Variants in USP25 observed in about 807,000 individuals in gnomAD.
USP25 encodes ubiquitin specific peptidase 25, also known as ubiquitin carboxyl-terminal hydrolase 25.
Under a neutral mutation model 158.5 loss-of-function variants are expected in USP25, and 85 were observed. That is an observed-to-expected ratio of 0.54 (90% CI 0.45 to 0.64). USP25 has a LOEUF of 0.64. Among genes scored for constraint, USP25 ranks in the 30% least tolerant of loss-of-function variants. The pLI, the probability that USP25 is intolerant of heterozygous loss-of-function variation, is 0.00. For synonymous variants in USP25, 464 were observed against 460.4 expected (o/e 1.01, Z -0.10); for missense variants, 1,242 against 1,327.3 (o/e 0.94, Z 1.00).
At chr21:15,740,898 C>T (rs1372855273) in intron 1 of USP25, among the ~76,000 whole-genome samples, 2 of 151,706 alleles carry the variant, frequency 1.3e-5, no homozygotes, top group Non-Finnish European at 2.9e-5. Context: ...CACACTACTG[C>T]TATCTTGACT....
At chr21:15,771,699 A>G (rs1425019991) in intron 3 of USP25, among the ~76,000 whole-genome samples, 1 of 149,172 alleles carries the variant, frequency 6.7e-6, no homozygotes, top group Non-Finnish European at 1.5e-5. Context: ...TTTCCTTTTA[A>G]TAGCTCTTCT....
intron 20 of USP25, among the ~76,000 whole-genome samples, chr21:15,862,738 T>C (rs1379372215): frequency 2.2e-5 from 3 of 137,634 alleles, no homozygotes. Context: ...TGGAATGACA[T>C]GTATATCCTC....
chr21:15,799,307 A>G (rs2036015672), intron 5 of USP25, among the ~76,000 whole-genome samples: 1 of 151,182 alleles, frequency 6.6e-6, no homozygotes, highest in Admixed American at 6.6e-5. Flanking sequence ...TACTTCCTTG[A>G]GCATTGAGAT....
At chr21:15,865,979 T>G (rs1196912902) in intron 21 of USP25, among the ~76,000 whole-genome samples, 1 of 152,094 alleles carries the variant, frequency 6.6e-6, no homozygotes, top group Non-Finnish European at 1.5e-5. Context: ...TTTAAAAGTT[T>G]CATTTTTTTC....
intron 9 of USP25, among the ~76,000 whole-genome samples, chr21:15,813,684 C>T (rs985251834): frequency 6.6e-6 from 1 of 152,064 alleles, no homozygotes. Context: ...AAATTAAAAA[C>T]GTTATCCCCT....
At position 15,833,377 on chromosome 21, in the gene USP25, C is replaced by T; in HGVS notation, c.2023C>T (p.Leu675Phe). The change falls in exon 17 of 26, where the codon CTT (leucine) becomes TTT (phenylalanine). Residue 675 changes from leucine (L) to phenylalanine (F), a missense_variant. This residue lies in a region of USP25 where 608 missense variants were observed against 605.2 expected (regional missense o/e 1.00). Transcript: ENST00000400183. ...GTTTAATAAAGAAACTGGGCAGCCC[C>T]TTGTTGGTATAGAAACATTACCACC... ...EEFNKETGQP[L>F]VGIETLPPDL... 5.0e-6 allele frequency: 8 copies of T among 1,613,652 alleles called. No individual in the cohort carries two copies. The highest frequency in any genetic ancestry group is 2.2e-5 in the East Asian group (1 of 44,840).
At chr21:15,750,107 A>C (rs1164579979) in intron 1 of USP25, among the ~76,000 whole-genome samples, 1 of 150,534 alleles carries the variant, frequency 6.6e-6, no homozygotes, top group African/African-American at 2.4e-5. Context: ...GGGAGGGAAG[A>C]GGGGCTGCAG....
chr21:15,820,187 C>A (rs1209257966), intron 10 of USP25, among the ~76,000 whole-genome samples: 1 of 152,012 alleles, frequency 6.6e-6, no homozygotes, highest in African/African-American at 2.4e-5. Context: ...AAAATCCGAT[C>A]TGTTTGCTGT....
chr21:15,730,912 A>G (rs1024785757), intron 1 of USP25, among the ~76,000 whole-genome samples: 2 of 149,270 alleles, frequency 1.3e-5, no homozygotes, highest in African/African-American at 4.9e-5. Flanking sequence ...GGTGGACTCT[A>G]GAAGTAGGTG....
chr21:15,830,712 T>C (rs1321327081), intron 15 of USP25, 111 bp downstream of exon 15: 6 of 881,136 alleles, frequency 6.8e-6, no homozygotes, highest in Non-Finnish European at 9.8e-6. Context: ...TTTTAAAATT[T>C]TGGCAAATCT....
chr21:15,833,021 AAAAC>A (rs1303076253), intron 16 of USP25, among the ~76,000 whole-genome samples: 6 of 152,150 alleles, frequency 3.9e-5, no homozygotes, highest in African/African-American at 7.2e-5. Flanking sequence ...CTGTCTCAAA[AAAAC>A]AAACAACAAC....
chr21:15,795,199 T>C (rs780582056), intron 5 of USP25, among the ~76,000 whole-genome samples: 2 of 151,578 alleles, frequency 1.3e-5, no homozygotes, highest in Non-Finnish European at 3.0e-5. Context: ...GAATTGCCTT[T>C]TGTTTCATCT....
rs373173138 is a variant in USP25, at chr21:15,878,005, A to G, written c.3205+14A>G. The G allele has an allele frequency of 2.1e-5, 34 of 1,598,958 alleles. 1 individual carries two copies. Among genetic ancestry groups the G allele is most frequent in the Middle Eastern group, 3.3e-4 (2 of 5,992 alleles). On this transcript the variant is annotated intron_variant, in intron 25 of 25. Transcript: ENST00000400183. ...AAGAAATGGAACGTAAGTTTAAACAATGGTAGTAGGCACCTGAGATGTCCG... is the reference window on the plus strand; with the variant it reads ...AAGAAATGGAACGTAAGTTTAAACAGTGGTAGTAGGCACCTGAGATGTCCG...
intron 19 of USP25, among the ~76,000 whole-genome samples, chr21:15,848,429 G>A (rs1291018514): frequency 1.3e-5 from 2 of 152,024 alleles, no homozygotes; most frequent in African/African-American, 4.8e-5. Flanking sequence ...TCTATCAGAT[G>A]ATTTTCTCCC....
At chr21:15,738,825 C>A (rs1260821683) in intron 1 of USP25, among the ~76,000 whole-genome samples, 1 of 152,176 alleles carries the variant, frequency 6.6e-6, no homozygotes, top group Non-Finnish European at 1.5e-5. Context: ...GACCCCTGAC[C>A]TAATCAGTTA....
chr21:15,746,034 T>C (rs1168761100), intron 1 of USP25, among the ~76,000 whole-genome samples: 1 of 152,246 alleles, frequency 6.6e-6, no homozygotes, highest in Non-Finnish European at 1.5e-5. Flanking sequence ...GGGTTTATTT[T>C]TGAACTCAGT....
intron 14 of USP25, among the ~76,000 whole-genome samples, chr21:15,828,726 C>T (rs1305928570): frequency 3.9e-5 from 6 of 152,152 alleles, no homozygotes; most frequent in Admixed American, 3.9e-4. Flanking sequence ...CCAGCCTCTG[C>T]CTCCCAGGTT....
intron 7 of USP25, among the ~76,000 whole-genome samples, chr21:15,807,354 A>AT (rs539214824): frequency 7.4e-4 from 112 of 152,340 alleles, no homozygotes; most frequent in Middle Eastern, 6.8e-3. Flanking sequence ...AGGAAACCTT[A>AT]TTTTTTGTTG....
chr21:15,780,458 A>T (rs2034901361), intron 4 of USP25, among the ~76,000 whole-genome samples: 1 of 152,136 alleles, frequency 6.6e-6, no homozygotes, highest in South Asian at 2.1e-4. Context: ...CTACATTGTG[A>T]CTGGTTTGTG....
Sources: allele counts gnomAD v4.1 joint callset (sites outside exome capture counted in the v4.1 genomes callset), GRCh38; gene constraint gnomAD v4.1.1; regional missense constraint gnomAD v4.1.1; transcripts MANE v1.5; gene names NCBI Gene and HGNC (gene_info 2026-07-23, HGNC 2026-07-21).